PAH: variants seen among roughly 807,000 people sequenced by gnomAD.
PAH encodes the protein phenylalanine hydroxylase.
PAH carries 64 observed loss-of-function variants against 62.0 expected under a neutral mutation model. The observed-to-expected ratio is 1.03, with a 90% confidence interval of 0.84 to 1.27. The LOEUF (loss-of-function observed/expected upper bound fraction) is 1.27. Ranked by LOEUF, PAH falls within the 50% of genes most tolerant of loss-of-function variation. The pLI, the probability that PAH is intolerant of heterozygous loss-of-function variation, is 0.00. For missense variants in PAH, 579 were observed against 542.8 expected (o/e 1.07, Z -0.66); for synonymous variants, 195 against 196.2 (o/e 0.99, Z 0.05).
chr12:102,926,265 G>A (rs1592994599), intron 1 of PAH, among the ~76,000 whole-genome samples: 1 of 152,038 alleles, frequency 6.6e-6, no homozygotes, highest in Non-Finnish European at 1.5e-5. Context: ...ATTCAACAAG[G>A]TAATGTTTGA....
chr12:102,943,320 G>T (rs1879361868), intron 1 of PAH, among the ~76,000 whole-genome samples: 1 of 152,128 alleles, frequency 6.6e-6, no homozygotes. Context: ...ATGAAAAAAT[G>T]CTCAACATCA....
At chr12:102,955,966 G>C (rs980565438) in intron 1 of PAH, among the ~76,000 whole-genome samples, 2 of 152,136 alleles carry the variant, frequency 1.3e-5, no homozygotes, top group African/African-American at 2.4e-5. Context: ...GTAGAGAAGA[G>C]AGGTGATTCA....
intron 3 of PAH, among the ~76,000 whole-genome samples, chr12:102,887,019 A>C (rs928696805): frequency 4.6e-5 from 7 of 152,202 alleles, no homozygotes; most frequent in Admixed American, 1.3e-4. Flanking sequence ...GGTTTTTAAA[A>C]AGTAAGGGCC....
rs3062690 is a variant in PAH, at chr12:102,866,083, G to GAAAAA, written c.509+508_509+512dup. 5.9e-3 allele frequency among the ~76,000 whole-genome samples: 850 copies of GAAAAA among 144,856 alleles called. 6 individuals are homozygous for GAAAAA. The highest frequency in any genetic ancestry group is 0.037 in the South Asian group (168 of 4,538). On this transcript the variant is annotated intron_variant, in intron 5 of 12. Coordinates refer to ENST00000553106, the MANE Select transcript of PAH (RefSeq NM_000277.3). ...GGGAGGAACACAGAACCCCAGACAG[G>GAAAAA]AAAAAAAAAAAACCATCCTAAAATT... is the stretch of plus-strand genomic sequence containing the variant.
At chr12:102,930,674 A>G (rs962797929) in intron 1 of PAH, among the ~76,000 whole-genome samples, 2 of 152,352 alleles carry the variant, frequency 1.3e-5, no homozygotes, top group African/African-American at 4.8e-5. Context: ...AGGTCTTGAG[A>G]AGAAGTTTGG....
chr12:102,930,698 T>A (rs187036326), intron 1 of PAH, among the ~76,000 whole-genome samples: 365 of 152,340 alleles, frequency 2.4e-3, no homozygotes, highest in African/African-American at 8.3e-3. Flanking sequence ...GCATGTTATA[T>A]GGGGTCTAGT....
At chr12:102,936,423 G>T (rs1260925721) in intron 1 of PAH, among the ~76,000 whole-genome samples, 1 of 152,066 alleles carries the variant, frequency 6.6e-6, no homozygotes, top group Non-Finnish European at 1.5e-5. Context: ...AGATTACATT[G>T]ATATTTCTTT....
At position 102,852,917 on chromosome 12, in the gene PAH, C is replaced by A. The variant is rs199475579; in HGVS notation, c.740G>T (p.Gly247Val). The A allele has an allele frequency of 6.2e-7, 1 of 1,614,034 alleles. No homozygotes were observed. The highest frequency in any genetic ancestry group is 2.2e-5 in the East Asian group (1 of 44,864). The change falls in exon 7 of 13, where the codon GGC becomes GTC. Residue 247 changes from glycine to valine, a missense_variant. By Grantham distance (109) the Gly-to-Val change is moderately radical. Transcript: ENST00000553106. ...CAAGAAATCCCGAGAGGAAAGCAGG[C>A]CAGCCACAGGTCGGAGGCGGAAACC... ...CTGFRLRPVA[G>V]LLSSRDFLGG... is the part of the protein sequence containing the mutation.
chr12:102,860,820 T>C (rs1454275695), intron 5 of PAH, among the ~76,000 whole-genome samples: 6 of 152,166 alleles, frequency 3.9e-5, no homozygotes, highest in African/African-American at 1.4e-4. Flanking sequence ...TTACACCTTA[T>C]ACAAAAATTA....
intron 2 of PAH, among the ~76,000 whole-genome samples, chr12:102,897,888 T>C (rs1315998439): frequency 2.6e-5 from 4 of 152,240 alleles, no homozygotes; most frequent in Non-Finnish European, 4.4e-5. Context: ...TACAACTCTC[T>C]TGTCCCTTTC....
In PAH at chr12:102,894,838, C is replaced by A; in HGVS notation, c.249G>T (p.Leu83Phe). 6.2e-7 allele frequency: 1 copy of A among 1,613,728 alleles called. No individual in the cohort carries two copies. The highest frequency in any genetic ancestry group is 1.1e-5 in the South Asian group (1 of 91,070). ...TCAGAGCAGGCAGGCTACGTTTATCCAAATGGGTGAAAAATTCATACTCAT... is the reference window on the plus strand; with the variant it reads ...TCAGAGCAGGCAGGCTACGTTTATCAAAATGGGTGAAAAATTCATACTCAT... ...KKDEYEFFTH[L>F]DKRSLPALTN... Residue 83 changes from leucine (L) to phenylalanine (F), a missense_variant, in exon 3 of 13, where the codon TTG becomes TTT. Physicochemically the swap from Leu to Phe is conservative, Grantham distance 22. Coordinates refer to ENST00000553106, the MANE Select transcript of PAH (RefSeq NM_000277.3).
rs145606314 is a variant in PAH at position 102,888,939 on chromosome 12, C to T, written c.352+5796G>A. Among the ~76,000 whole-genome samples, 263 of 151,878 alleles carry T rather than the reference C, an allele frequency of 1.7e-3. 1 individual carries two copies. Among genetic ancestry groups the T allele is most frequent in the African/African-American group, 5.9e-3 (246 of 41,390 alleles). ...CATGGAATGCACAAAGTGAAATGCACGGGAGAAGGTTTAGAACTGAGAAGA... is the reference window on the plus strand; with the variant it reads ...CATGGAATGCACAAAGTGAAATGCATGGGAGAAGGTTTAGAACTGAGAAGA... On this transcript the variant is annotated intron_variant, in intron 3 of 12. Transcript: ENST00000553106.
chr12:102,913,156 A>G (rs1197445525), intron 1 of PAH, among the ~76,000 whole-genome samples: 1 of 152,222 alleles, frequency 6.6e-6, no homozygotes, highest in Non-Finnish European at 1.5e-5. Context: ...TCACCATTCA[A>G]TCCTGTAAAT....
At chr12:102,934,416 A>T (rs1400685679) in intron 1 of PAH, among the ~76,000 whole-genome samples, 1 of 101,872 alleles carries the variant, frequency 9.8e-6, no homozygotes, top group Non-Finnish European at 1.9e-5. Context: ...TGGGTGTTTC[A>T]TGGTACCTTA....
chr12:102,868,048 ATG>A (rs55637119), intron 4 of PAH, among the ~76,000 whole-genome samples: 3 of 111,900 alleles, frequency 2.7e-5, no homozygotes, highest in African/African-American at 9.0e-5. Flanking sequence ...ACCTATATAT[ATG>A]TATATATATA....
At chr12:102,876,854 C>T (rs1323353636) in intron 4 of PAH, among the ~76,000 whole-genome samples, 1 of 151,972 alleles carries the variant, frequency 6.6e-6, no homozygotes, top group Non-Finnish European at 1.5e-5. Context: ...GTTCCTCTTT[C>T]TGGTCCATTA....
chr12:102,873,329 A>C (rs1055707752), intron 4 of PAH, among the ~76,000 whole-genome samples: 8 of 152,238 alleles, frequency 5.3e-5, no homozygotes, highest in African/African-American at 7.2e-5. Flanking sequence ...AACTTCCCAG[A>C]AGCAATTCTC....
At chr12:102,928,353 T>C (rs1878746181) in intron 1 of PAH, among the ~76,000 whole-genome samples, 1 of 152,204 alleles carries the variant, frequency 6.6e-6, no homozygotes, top group African/African-American at 2.4e-5. Context: ...AAATTACTGT[T>C]GACTGATAGG....
At chr12:102,863,515 T>C (rs899860649) in intron 5 of PAH, among the ~76,000 whole-genome samples, 19 of 152,158 alleles carry the variant, frequency 1.2e-4, no homozygotes, top group Admixed American at 1.0e-3. Flanking sequence ...TCCTGCATTG[T>C]GCCTGGCTGA....
Sources: gnomAD v4.1 joint callset for allele counts (sites outside exome capture counted in the v4.1 genomes callset) on GRCh38, gnomAD v4.1.1 for gene constraint, MANE v1.5 for transcripts, NCBI Gene and HGNC (gene_info 2026-07-23, HGNC 2026-07-21) for gene names.